PITPNM2: variants seen among roughly 807,000 people sequenced by gnomAD.
The protein encoded by PITPNM2 is membrane-associated phosphatidylinositol transfer protein 2.
PITPNM2 carries 35 observed loss-of-function variants against 132.2 expected under a neutral mutation model. The ratio of observed to expected loss-of-function variants is 0.26; its 90% CI spans 0.20 to 0.35. PITPNM2 has a LOEUF of 0.35. Among genes scored for constraint, PITPNM2 ranks in the 10% least tolerant of loss-of-function variants. PITPNM2 has a pLI of 1.00. For synonymous variants in PITPNM2, 738 were observed against 799.2 expected (o/e 0.92, Z 1.29); for missense variants, 1,332 against 1,912.0 (o/e 0.70, Z 5.66).
intron 8 of PITPNM2, among the ~76,000 whole-genome samples, chr12:123,001,976 A>G (rs1198603101): frequency 1.3e-5 from 2 of 150,926 alleles, no homozygotes; most frequent in African/African-American, 4.9e-5. Flanking sequence ...GGTTGCAGCG[A>G]GCTGAGATGG....
intron 3 of PITPNM2, among the ~76,000 whole-genome samples, chr12:123,027,481 G>T (rs1245308585): frequency 6.6e-6 from 1 of 152,200 alleles, no homozygotes; most frequent in Non-Finnish European, 1.5e-5. Context: ...GGGCAGACTG[G>T]TATCATTAGG....
rs202098576 is a variant in PITPNM2 at position 122,985,020 on chromosome 12, T to A, written c.*1007A>T. 3.3e-5 allele frequency: 5 copies of A among 150,122 alleles called. No homozygotes were observed. The East Asian group carries it at 9.9e-4, about 30-fold the overall frequency. 9.3% of individuals were successfully genotyped at this position (150,122 alleles called of 1,614,324 possible). On this transcript the variant is annotated 3_prime_UTR_variant, in exon 26 of 26. Transcript: ENST00000320201. ...AGTGTGTGCCCCACCCACCCCAGAGTAGAAATTCAGTGGGATTGCCGGGGC... is the reference window on the plus strand; with the variant it reads ...AGTGTGTGCCCCACCCACCCCAGAGAAGAAATTCAGTGGGATTGCCGGGGC...
chr12:122,987,108 G>A (rs2037969384), intron 23 of PITPNM2, among the ~76,000 whole-genome samples, 173 bp downstream of exon 23: 1 of 152,260 alleles, frequency 6.6e-6, no homozygotes, highest in African/African-American at 2.4e-5. Flanking sequence ...CTTGCCCAAG[G>A]TGACACGGCT....
In PITPNM2 at chr12:123,108,110, T is replaced by C. The variant is rs1246233593; in HGVS notation, c.-96+2275A>G. Among the ~76,000 whole-genome samples, 2 of 152,224 alleles carry C rather than the reference T, an allele frequency of 1.3e-5. No individual in the cohort carries two copies. Among genetic ancestry groups the C allele is most frequent in the Non-Finnish European group, 2.9e-5 (2 of 68,036 alleles). ...CTGCATAAGCAAAGCGCAGAGAATG[T>C]ACCAGCATATAAACTAGACGCGGGC... On this transcript the variant is annotated intron_variant, in intron 2 of 25. Coordinates refer to ENST00000320201, the MANE Select transcript of PITPNM2 (RefSeq NM_020845.3). This position sits in a 1 kb window ranked among gnomAD's most constrained non-coding sequence, Gnocchi z 4.4.
intron 1 of PITPNM2, among the ~76,000 whole-genome samples, chr12:123,122,923 T>G (rs1038596223): frequency 6.6e-6 from 1 of 152,204 alleles, no homozygotes; most frequent in Non-Finnish European, 1.5e-5. Flanking sequence ...ACTCACACAT[T>G]GTAAGTGGGA....
Position 122,992,428 on chromosome 12 carries a change from G to A in PITPNM2, c.2404+71C>T, listed in dbSNP as rs1367493779. 7 of 1,514,512 alleles carry A rather than the reference G, an allele frequency of 4.6e-6. No individual in the cohort carries two copies. The highest frequency in any genetic ancestry group is 1.4e-5 in the African/African-American group (1 of 71,128). 93.8% of individuals were successfully genotyped at this position (1,514,512 alleles called of 1,614,324 possible). On this transcript the variant is annotated intron_variant, in intron 16 of 25. Transcript: ENST00000320201. This position sits in a 1 kb window ranked among gnomAD's most constrained non-coding sequence, Gnocchi z 6.5. ...CTGGGGAAGAACCACGTAGCATGGAGGACCTAGGAGCCAGGGAGCCACGCT... is the reference window on the plus strand; with the variant it reads ...CTGGGGAAGAACCACGTAGCATGGAAGACCTAGGAGCCAGGGAGCCACGCT...
chr12:123,061,238 T>C lies in PITPNM2; in HGVS notation c.-95-26553A>G, dbSNP rs184301086. Reference sequence around the variant, plus strand: ...AAACTTTCTGACCCCTTAATGGGTATACAGGAAGAAAGACCCTGCTAGTGG... The same window carrying C: ...AAACTTTCTGACCCCTTAATGGGTACACAGGAAGAAAGACCCTGCTAGTGG... On this transcript the variant is annotated intron_variant, in intron 2 of 25. Transcript: ENST00000320201. Among the ~76,000 whole-genome samples the C allele has an allele frequency of 1.8e-3, 277 of 152,318 alleles. 7 individuals carry two copies. Among genetic ancestry groups the C allele is most frequent in the Admixed American group, 0.015 (234 of 15,302 alleles).
At position 122,989,880 on chromosome 12, in the gene PITPNM2, T is replaced by TGGGGGGGGGGGGGG; in HGVS notation, c.2637_2638insCCCCCCCCCCCCCC (p.Ser880ProfsTer84). ...GGGTGGGGGCCAGGGGTGGTGGGGCTGGGGGCGGGCAGGGCGAGCAGGGAC... is the reference window on the plus strand; with the variant it reads ...GGGTGGGGGCCAGGGGTGGTGGGGCTGGGGGGGGGGGGGGGGGGGCGGGCAGGGCGAGCAGGGAC... On this transcript the variant is annotated frameshift_variant, in exon 18 of 26. Transcript: ENST00000320201. LOFTEE classifies it high-confidence loss of function. 1.9e-5 allele frequency: 3 copies of TGGGGGGGGGGGGGG among 160,108 alleles called. No homozygotes were observed. The highest frequency in any genetic ancestry group is 1.5e-4 in the East Asian group (1 of 6,502). 9.9% of individuals were successfully genotyped at this position (160,108 alleles called of 1,614,324 possible).
rs1399302449 is a variant in PITPNM2, at chr12:123,018,026, TCCTTCCTTCCTCCCTC to T, written c.79-4000_79-3985del. 2.8e-3 allele frequency among the ~76,000 whole-genome samples: 370 copies of T among 133,956 alleles called. 1 individual carries two copies. The highest frequency in any genetic ancestry group is 0.012 in the African/African-American group (358 of 30,610). The allele number at this position is 133,956 out of a possible 152,430, so 87.9% of individuals were successfully genotyped here. ...TTCCTTCCTTCCTTCCTTCCTTCCT[TCCTTCCTTCCTCCCTC>T]CCTCCCTCCCTCTTTTCTCTCTCTC... On this transcript the variant is annotated intron_variant, in intron 3 of 25. Transcript: ENST00000320201.
chr12:123,107,453 C>CA (rs1287326098), intron 2 of PITPNM2, among the ~76,000 whole-genome samples: 2 of 152,232 alleles, frequency 1.3e-5, no homozygotes, highest in East Asian at 3.8e-4. Context: ...CCAGCTACCC[C>CA]ACCCACCACC....
chr12:123,146,981 A>G (rs2043631625), intron 1 of PITPNM2, among the ~76,000 whole-genome samples: 1 of 152,180 alleles, frequency 6.6e-6, no homozygotes, highest in Admixed American at 6.5e-5. Context: ...GGATTTGAAA[A>G]AGGCATCACC....
chr12:123,063,795 C>T (rs1286414207), intron 2 of PITPNM2, among the ~76,000 whole-genome samples: 1 of 152,208 alleles, frequency 6.6e-6, no homozygotes. Context: ...CACACAGCTC[C>T]ACCCCTCACT....
chr12:122,992,349 C>A lies in PITPNM2; in HGVS notation c.2404+150G>T. The A allele has an allele frequency of 5.4e-6, 2 of 367,014 alleles. No individual in the cohort carries two copies. Among genetic ancestry groups the A allele is most frequent in the Non-Finnish European group, 1.0e-5 (2 of 200,364 alleles). The allele number at this position is 367,014 out of a possible 1,614,324, so 22.7% of individuals were successfully genotyped here. On this transcript the variant is annotated intron_variant, in intron 16 of 25. Transcript: ENST00000320201. The surrounding 1 kb of genome is among the most constrained non-coding windows in gnomAD (Gnocchi z 6.5). ...AGGGATGCACCACCCCCACCCCCCA[C>A]CCCCAACAGCTGTCCACCTCCAAGA... is the stretch of plus-strand genomic sequence containing the variant.
At chr12:123,027,861 G>C (rs1228123555) in intron 3 of PITPNM2, among the ~76,000 whole-genome samples, 1 of 152,250 alleles carries the variant, frequency 6.6e-6, no homozygotes. Context: ...CTCCCCACCA[G>C]TGATGGCGTC....
In PITPNM2 at chr12:122,985,770, G is replaced by C. The variant is rs1054247540; in HGVS notation, c.*257C>G. Reference sequence around the variant, plus strand: ...ATGTCTGGGAGAACCTCCCGGGCCAGTCTGAGTGGGAGGTTCTGGTCCCTC... The same window carrying C: ...ATGTCTGGGAGAACCTCCCGGGCCACTCTGAGTGGGAGGTTCTGGTCCCTC... On this transcript the variant is annotated 3_prime_UTR_variant, in exon 26 of 26. Coordinates refer to ENST00000320201, the MANE Select transcript of PITPNM2 (RefSeq NM_020845.3). 1.3e-5 allele frequency: 5 copies of C among 392,920 alleles called. No homozygotes were observed. The East Asian group carries it at 2.0e-4, about 16-fold the overall frequency. The allele number at this position is 392,920 out of a possible 1,614,324, so 24.3% of individuals were successfully genotyped here.
chr12:122,986,963 G>T, intron 23 of PITPNM2, 134 bp from the exon 24 acceptor site: 1 of 1,203,632 alleles, frequency 8.3e-7, no homozygotes, highest in Non-Finnish European at 1.1e-6. Flanking sequence ...GACGACAATG[G>T]TTGACAATGA....
intron 2 of PITPNM2, among the ~76,000 whole-genome samples, chr12:123,073,928 C>T (rs1440376404): frequency 6.6e-6 from 1 of 152,120 alleles, no homozygotes; most frequent in African/African-American, 2.4e-5. Flanking sequence ...GAGTGAGCAC[C>T]CCCCAGCTCT....
intron 2 of PITPNM2, among the ~76,000 whole-genome samples, chr12:123,067,348 C>A (rs1198244480): frequency 6.6e-6 from 1 of 152,082 alleles, no homozygotes; most frequent in Admixed American, 6.5e-5. Flanking sequence ...CCCAGCTACT[C>A]AGGAGGCTGA....
intron 1 of PITPNM2, among the ~76,000 whole-genome samples, chr12:123,125,863 G>GCTTT (rs1566303194): frequency 1.4e-4 from 11 of 79,588 alleles, no homozygotes; most frequent in African/African-American, 4.6e-4. Flanking sequence ...AAAAAATTAG[G>GCTTT]GTTTTTTTTT....
Sources: allele counts gnomAD v4.1 joint callset (sites outside exome capture counted in the v4.1 genomes callset), GRCh38; gene constraint gnomAD v4.1.1; non-coding constraint Gnocchi (gnomAD v3.1); transcripts MANE v1.5; gene names NCBI Gene and HGNC (gene_info 2026-07-23, HGNC 2026-07-21).